NCKAP5: variants seen among roughly 807,000 people sequenced by gnomAD.
NCKAP5 encodes the protein nck-associated protein 5.
NCKAP5 carries 92 observed loss-of-function variants against 167.0 expected under a neutral mutation model. The observed-to-expected ratio is 0.55, with a 90% CI of 0.47 to 0.66. The LOEUF (loss-of-function observed/expected upper bound fraction) is 0.66, where lower values mean the gene tolerates loss of function less well. NCKAP5 is among the 30% of genes least tolerant of loss of function. The probability of loss-of-function intolerance (pLI) is 0.00; values close to 1 mark genes in which losing one functional copy is unlikely to be tolerated. For synonymous variants in NCKAP5, 891 were observed against 877.4 expected (o/e 1.02, Z -0.27); for missense variants, 2,378 against 2,315.0 (o/e 1.03, Z -0.56).
chr2:133,256,574 C>T (rs868019453), intron 4 of NCKAP5, among the ~76,000 whole-genome samples: 4 of 152,170 alleles, frequency 2.6e-5, no homozygotes, highest in African/African-American at 9.7e-5. Context: ...CAAGCATACA[C>T]AATTTGTAGT....
chr2:132,864,836 T>G lies in NCKAP5; in HGVS notation c.687+4100A>C, dbSNP rs578173908. On this transcript the variant is annotated intron_variant, in intron 10 of 19. Coordinates refer to ENST00000409261, the MANE Select transcript of NCKAP5 (RefSeq NM_207363.3). Reference sequence around the variant, plus strand: ...TGTCTATCATGGGAATACATGGAATTGGGGCTTAGAGGGCCTGGGCTCTAG... The same window carrying G: ...TGTCTATCATGGGAATACATGGAATGGGGGCTTAGAGGGCCTGGGCTCTAG... 4.6e-5 allele frequency among the ~76,000 whole-genome samples: 7 copies of G among 152,292 alleles called. No homozygotes were observed. The East Asian group carries it at 1.4e-3, about 29-fold the overall frequency.
chr2:133,594,376 C>G, the NCKAP5 span, among the ~76,000 whole-genome samples: 1 of 152,188 alleles, frequency 6.6e-6, no homozygotes, highest in Non-Finnish European at 1.5e-5. Flanking sequence ...CATCTCTCTT[C>G]TTGGCACTCC....
chr2:133,131,241 T>G (rs1574125256), intron 5 of NCKAP5, among the ~76,000 whole-genome samples: 1 of 152,148 alleles, frequency 6.6e-6, no homozygotes, highest in South Asian at 2.1e-4. Flanking sequence ...CACATCCTCC[T>G]GCCTCTGTAC....
At chr2:133,352,604 A>G (rs1684441729) in intron 3 of NCKAP5, among the ~76,000 whole-genome samples, 1 of 152,164 alleles carries the variant, frequency 6.6e-6, no homozygotes, top group Non-Finnish European at 1.5e-5. Context: ...CTTGACCCTG[A>G]CATTAGACTT....
Position 133,486,058 on chromosome 2 carries a change from C to T in NCKAP5, c.69+31400G>A, listed in dbSNP as rs538286987. 4.6e-5 allele frequency among the ~76,000 whole-genome samples: 7 copies of T among 152,246 alleles called. No individual in the cohort carries two copies. The South Asian group carries it at 1.5e-3, about 32-fold the overall frequency. ...TGCCTCCCACCCATCTCCCCAAGTC[C>T]CTGTCTATACCAAAGGACTGCTTAT... is the stretch of plus-strand genomic sequence containing the variant. On this transcript the variant is annotated intron_variant, in intron 3 of 19. Transcript: ENST00000409261.
intron 5 of NCKAP5, among the ~76,000 whole-genome samples, chr2:133,186,305 C>A (rs1040394589): frequency 6.6e-6 from 1 of 151,980 alleles, no homozygotes; most frequent in Non-Finnish European, 1.5e-5. Context: ...GGAATAAAGC[C>A]TACTTGATCA....
At chr2:133,039,379 C>T (rs2079140354) in intron 6 of NCKAP5, among the ~76,000 whole-genome samples, 1 of 152,118 alleles carries the variant, frequency 6.6e-6, no homozygotes, top group Non-Finnish European at 1.5e-5. Context: ...TTTAGTTTAG[C>T]TAGTAAACTG....
intron 6 of NCKAP5, among the ~76,000 whole-genome samples, chr2:133,097,044 T>C (rs991632029): frequency 6.6e-6 from 1 of 152,184 alleles, no homozygotes; most frequent in African/African-American, 2.4e-5. Flanking sequence ...CTGACCACAT[T>C]GCCCACGACA....
chr2:133,100,662 T>A (rs545434320), intron 6 of NCKAP5, among the ~76,000 whole-genome samples: 40 of 152,304 alleles, frequency 2.6e-4, no homozygotes, highest in Admixed American at 1.9e-3. Context: ...TCATTTAAAC[T>A]CCATATAAAT....
the NCKAP5 span, among the ~76,000 whole-genome samples, chr2:133,639,392 G>A: frequency 2.0e-5 from 3 of 152,170 alleles, no homozygotes; most frequent in Non-Finnish European, 2.9e-5. Flanking sequence ...CAAGAAAAAA[G>A]TAGCTTATAA....
chr2:133,264,230 G>A (rs535871530), intron 4 of NCKAP5, among the ~76,000 whole-genome samples: 1 of 152,216 alleles, frequency 6.6e-6, no homozygotes, highest in Non-Finnish European at 1.5e-5. Flanking sequence ...AGCTCCATCA[G>A]CTGTTAGGAT....
At chr2:133,579,552 G>A in the NCKAP5 span, among the ~76,000 whole-genome samples, 1 of 152,184 alleles carries the variant, frequency 6.6e-6, no homozygotes, top group Non-Finnish European at 1.5e-5. Context: ...TTGAGGGTTG[G>A]CCAGCATAGG....
intron 3 of NCKAP5, among the ~76,000 whole-genome samples, chr2:133,496,649 C>T (rs1681975610): frequency 6.6e-6 from 1 of 152,180 alleles, no homozygotes; most frequent in Non-Finnish European, 1.5e-5. Flanking sequence ...CATGGCCTCA[C>T]TCAGATCTGC....
intron 8 of NCKAP5, among the ~76,000 whole-genome samples, chr2:132,898,662 T>C (rs1693390328): frequency 2.0e-5 from 3 of 152,214 alleles, no homozygotes; most frequent in Admixed American, 2.0e-4. Flanking sequence ...ACATTAATCT[T>C]TTTGCACATC....
At chr2:133,201,254 G>A (rs138236302) in intron 5 of NCKAP5, among the ~76,000 whole-genome samples, 326 of 152,194 alleles carry the variant, frequency 2.1e-3, no homozygotes, top group African/African-American at 7.5e-3. Flanking sequence ...ATTTCATCAC[G>A]TTACTCAGCA....
intron 19 of NCKAP5, among the ~76,000 whole-genome samples, chr2:132,717,710 G>T (rs1176233003): frequency 2.0e-5 from 3 of 152,122 alleles, no homozygotes; most frequent in Non-Finnish European, 4.4e-5. Flanking sequence ...AAAACCAATT[G>T]TTTTTAACTC....
At chr2:132,884,857 A>G (rs1429104565) in intron 8 of NCKAP5, among the ~76,000 whole-genome samples, 2 of 152,350 alleles carry the variant, frequency 1.3e-5, no homozygotes, top group South Asian at 2.1e-4. Flanking sequence ...CCTACCCACA[A>G]TATCACGTTG....
chr2:132,870,487 A>G (rs1034982586), intron 9 of NCKAP5, among the ~76,000 whole-genome samples: 1 of 152,004 alleles, frequency 6.6e-6, no homozygotes, highest in African/African-American at 2.4e-5. Context: ...TCCAATATAA[A>G]TTTTCTGAGT....
intron 11 of NCKAP5, among the ~76,000 whole-genome samples, chr2:132,841,079 T>A (rs1373694844): frequency 6.6e-6 from 1 of 152,186 alleles, no homozygotes; most frequent in Non-Finnish European, 1.5e-5. Context: ...CTCTTGATAT[T>A]TTTTCTATTG....
Sources: allele counts gnomAD v4.1 joint callset (sites outside exome capture counted in the v4.1 genomes callset), GRCh38; gene constraint gnomAD v4.1.1; transcripts MANE v1.5; gene names NCBI Gene and HGNC (gene_info 2026-07-23, HGNC 2026-07-21).